Variants in ADAMDEC1 observed in about 807,000 individuals in gnomAD.
ADAMDEC1 encodes the protein ADAM like decysin 1.
A neutral mutation model predicts 60.4 loss-of-function variants in ADAMDEC1; 62 were observed. That is an observed-to-expected ratio of 1.03 (90% CI 0.84 to 1.27). The LOEUF (loss-of-function observed/expected upper bound fraction) is 1.27. Among genes scored for constraint, ADAMDEC1 ranks in the 50% most tolerant of loss-of-function variants. ADAMDEC1 has a pLI of 0.00. For synonymous variants in ADAMDEC1, 210 were observed against 195.1 expected, an observed-to-expected ratio of 1.08 and a Z score of -0.64; for missense variants, 595 against 565.0, an observed-to-expected ratio of 1.05 and a Z score of -0.54.
chr8:24,397,303 G>A lies in ADAMDEC1; in HGVS notation c.474G>A (p.Gln158=). The change falls in exon 6 of 14, where the codon CAG becomes CAA. Residue 158 remains glutamine (Q), a synonymous_variant. Coordinates refer to ENST00000256412, the MANE Select transcript of ADAMDEC1 (RefSeq NM_014479.3). ...TCACACATCATCACCAAAGATACCAGATAAAACCTCTGAAAAGCACAGACG... is the reference window on the plus strand; with the variant it reads ...TCACACATCATCACCAAAGATACCAAATAAAACCTCTGAAAAGCACAGACG... ...GYFTHHHQRY[Q]IKPLKSTDEK... 6.2e-7 allele frequency: 1 copy of A among 1,613,802 alleles called. No homozygotes were observed. Among genetic ancestry groups the A allele is most frequent in the Non-Finnish European group, 8.5e-7 (1 of 1,179,924 alleles).
intron 11 of ADAMDEC1, among the ~76,000 whole-genome samples, chr8:24,400,842 T>C (rs1036297104): frequency 2.2e-5 from 3 of 137,418 alleles, no homozygotes; most frequent in Non-Finnish European, 4.6e-5. Context: ...TGTGTCCAAG[T>C]GTTCTCATTG....
chr8:24,400,289 T>A lies in ADAMDEC1; in HGVS notation c.1131T>A (p.Asn377Lys). ...TKCPSGSCVM[N>K]QYLSSKFPKD... ...GTCCCTCTGGCAGTTGTGTGATGAA[T>A]CAGTATCTGAGGTGAGACCTTGTCA... The change falls in exon 11 of 14, where the codon AAT (asparagine) becomes AAA (lysine). Residue 377 changes from asparagine to lysine, a missense_variant. Transcript: ENST00000256412. 1 of 1,608,146 alleles carries A rather than the reference T, an allele frequency of 6.2e-7. No individual in the cohort carries two copies. Among genetic ancestry groups the A allele is most frequent in the Non-Finnish European group, 8.5e-7 (1 of 1,177,700 alleles).
chr8:24,398,208 G>T (rs1264273376), intron 7 of ADAMDEC1, among the ~76,000 whole-genome samples: 1 of 151,460 alleles, frequency 6.6e-6, no homozygotes, highest in African/African-American at 2.4e-5. Flanking sequence ...ACATGATTCG[G>T]TTTAAAAACC....
At chr8:24,403,650 T>C (rs986173287) in intron 12 of ADAMDEC1, among the ~76,000 whole-genome samples, 1 of 152,154 alleles carries the variant, frequency 6.6e-6, no homozygotes, top group Non-Finnish European at 1.5e-5. Context: ...ATAAAGTTCT[T>C]CATGGAGTTC....
rs910284964 is a variant in ADAMDEC1 at position 24,398,940 on chromosome 8, A to G, written c.829A>G (p.Ile277Val). ...GMEIWSDGDK[I>V]KVVPSASTTF... is the part of the protein sequence containing the mutation. Reference sequence around the variant, plus strand: ...GGAAATCTGGTCTGATGGGGATAAGATAAAGGTGGTGCCCAGCGCAAGCAC... The same window carrying G: ...GGAAATCTGGTCTGATGGGGATAAGGTAAAGGTGGTGCCCAGCGCAAGCAC... Residue 277 changes from isoleucine to valine, a missense_variant, in exon 9 of 14, where the codon ATA (isoleucine) becomes GTA (valine). Transcript: ENST00000256412. 3 of 1,613,910 alleles carry G rather than the reference A, an allele frequency of 1.9e-6. No homozygotes were observed. The highest frequency in any genetic ancestry group is 2.5e-6 in the Non-Finnish European group (3 of 1,179,872).
intron 1 of ADAMDEC1, among the ~76,000 whole-genome samples, chr8:24,388,549 C>T (rs1274720084): frequency 6.6e-6 from 1 of 152,050 alleles, no homozygotes; most frequent in Non-Finnish European, 1.5e-5. Flanking sequence ...GAACTCCTAC[C>T]TCACACTGGC....
At chr8:24,401,501 A>T (rs1302841840) in intron 11 of ADAMDEC1, among the ~76,000 whole-genome samples, 1 of 152,170 alleles carries the variant, frequency 6.6e-6, no homozygotes, top group African/African-American at 2.4e-5. Context: ...AGAAGGAGAG[A>T]AATATTTCCA....
intron 4 of ADAMDEC1, 98 bp downstream of exon 4, chr8:24,394,245 A>G: frequency 1.1e-6 from 1 of 936,644 alleles, no homozygotes; most frequent in Non-Finnish European, 1.6e-6. Flanking sequence ...ATTATTTTAT[A>G]AAATTCATAG....
intron 2 of ADAMDEC1, 22 bp downstream of exon 2, chr8:24,392,402 G>A (rs1304206181): frequency 1.3e-6 from 2 of 1,528,240 alleles, no homozygotes; most frequent in African/African-American, 2.8e-5. Flanking sequence ...GAATGACCGT[G>A]GTAGATGTTA....
Position 24,384,550 on chromosome 8 carries a change from T to G in ADAMDEC1, c.46T>G (p.Trp16Gly). 1 of 1,611,380 alleles carries G rather than the reference T, an allele frequency of 6.2e-7. No individual in the cohort carries two copies. Among genetic ancestry groups the G allele is most frequent in the South Asian group, 1.1e-5 (1 of 90,618 alleles). The change falls in exon 1 of 14, where the codon TGG becomes GGG. Residue 16 changes from tryptophan to glycine, a missense_variant. By Grantham distance (184) the Trp-to-Gly change is radical (BLOSUM62 -2). Coordinates refer to ENST00000256412, the MANE Select transcript of ADAMDEC1 (RefSeq NM_014479.3). The part of the protein sequence containing the change: ...SQLPAVATMS[W>G]VLLPVLWLIV... ...GCTACCTGCAGTGGCCACCATGTCT[T>G]GGGTCCTGCTGCCTGTACTTTGGCT...
intron 1 of ADAMDEC1, among the ~76,000 whole-genome samples, chr8:24,385,897 C>T (rs2129356115): frequency 6.6e-6 from 1 of 152,002 alleles, no homozygotes; most frequent in Non-Finnish European, 1.5e-5. Context: ...TTAATTGTAC[C>T]TAAAGAGAAG....
At position 24,392,293 on chromosome 8, in the gene ADAMDEC1, G is replaced by C. The variant is rs190498209; in HGVS notation, c.120G>C (p.Thr40=). ...AIAIKQTPEL[T]LHEIVCPKKL... is the part of the protein sequence containing the mutation. ...CCATAAAGCAAACACCTGAATTAAC[G>C]CTCCATGAAATAGTTTGTCCTAAAA... The change falls in exon 2 of 14, where the codon ACG becomes ACC. Residue 40 remains threonine, a synonymous_variant. Transcript: ENST00000256412. 3.1e-6 allele frequency: 5 copies of C among 1,610,352 alleles called. No individual in the cohort carries two copies. The African/African-American group carries it at 5.4e-5, about 17-fold the overall frequency.
At chr8:24,386,000 C>T (rs1046941358) in intron 1 of ADAMDEC1, among the ~76,000 whole-genome samples, 5 of 151,864 alleles carry the variant, frequency 3.3e-5, no homozygotes, top group African/African-American at 1.2e-4. Flanking sequence ...TCTCAAAATA[C>T]TCATAGATAC....
intron 1 of ADAMDEC1, among the ~76,000 whole-genome samples, chr8:24,389,210 C>A (rs1817375096): frequency 6.6e-6 from 1 of 152,142 alleles, no homozygotes; most frequent in Admixed American, 6.6e-5. Flanking sequence ...GCCTAGTAGA[C>A]ATCTCAAAAC....
intron 11 of ADAMDEC1, among the ~76,000 whole-genome samples, chr8:24,400,632 C>CATATAT (rs35748437): frequency 5.6e-4 from 82 of 145,822 alleles, no homozygotes; most frequent in African/African-American, 6.3e-4. Flanking sequence ...TGTTTCTTTT[C>CATATAT]ATATATATAT....
Position 24,395,792 on chromosome 8 carries a change from T to C in ADAMDEC1, c.436T>C (p.Leu146=). 2 of 1,612,214 alleles carry C rather than the reference T, an allele frequency of 1.2e-6. No homozygotes were observed. The highest frequency in any genetic ancestry group is 1.7e-6 in the Non-Finnish European group (2 of 1,178,706). Residue 146 remains leucine (L), a synonymous_variant, in exon 5 of 14, where the codon TTG becomes CTG. Coordinates refer to ENST00000256412, the MANE Select transcript of ADAMDEC1 (RefSeq NM_014479.3). ...SVASISTCDG[L]RGYFTHHHQR... is the part of the protein sequence containing the mutation. ...TGCCAGCATCAGTACTTGTGACGGG[T>C]TGAGGTAAGAACTACCATCAAAATT... is the stretch of plus-strand genomic sequence containing the variant.
intron 8 of ADAMDEC1, 91 bp from the exon 9 acceptor site, chr8:24,398,783 A>T (rs1817681166): frequency 7.5e-7 from 1 of 1,335,992 alleles, no homozygotes; most frequent in African/African-American, 1.5e-5. Flanking sequence ...CTTGTAGTCC[A>T]TCACTTTATC....
Position 24,384,492 on chromosome 8 carries a change from A to T in ADAMDEC1, c.-13A>T, listed in dbSNP as rs1053168070. On this transcript the variant is annotated 5_prime_UTR_variant, in exon 1 of 14. Transcript: ENST00000256412. ...GAGAAGATAAAACTGGACACTGGGG[A>T]GACCACAACTTCATGCTGCGTGGGA... 4 of 1,595,162 alleles carry T rather than the reference A, an allele frequency of 2.5e-6. No homozygotes were observed. The highest frequency in any genetic ancestry group is 3.4e-6 in the Non-Finnish European group (4 of 1,170,006).
chr8:24,395,852 T>A, intron 5 of ADAMDEC1, 56 bp downstream of exon 5: 1 of 1,310,786 alleles, frequency 7.6e-7, no homozygotes, highest in Non-Finnish European at 1.1e-6. Context: ...TACACAGAAT[T>A]AAGGGCTACT....
Sources: gnomAD v4.1 joint callset for allele counts (sites outside exome capture counted in the v4.1 genomes callset) on GRCh38, gnomAD v4.1.1 for gene constraint, MANE v1.5 for transcripts, NCBI Gene and HGNC (gene_info 2026-07-23, HGNC 2026-07-21) for gene names.